Variants in GFPT2 observed in about 807,000 individuals in gnomAD.
The protein encoded by GFPT2 is glutamine--fructose-6-phosphate transaminase 2.
A neutral mutation model predicts 85.6 loss-of-function variants in GFPT2; 62 were observed. The observed-to-expected ratio is 0.72, with a 90% CI of 0.59 to 0.90. The LOEUF is 0.90. GFPT2 is among the 40% of genes least tolerant of loss of function. The pLI, the probability that GFPT2 is intolerant of heterozygous loss-of-function variation, is 0.00. For synonymous variants in GFPT2, 368 were observed against 344.5 expected (o/e 1.07, Z -0.75); for missense variants, 788 against 893.4 (o/e 0.88, Z 1.50).
intron 9 of GFPT2, among the ~76,000 whole-genome samples, chr5:180,319,848 G>A (rs1764085169): frequency 6.6e-6 from 1 of 152,106 alleles, no homozygotes; most frequent in African/African-American, 2.4e-5. Context: ...AATGACACCA[G>A]GGGTTGCACT....
At chr5:180,331,067 A>C in intron 5 of GFPT2, 1 of 548,106 alleles carries the variant, frequency 1.8e-6, no homozygotes, top group Non-Finnish European at 3.2e-6. Context: ...TAATCTGGAC[A>C]TTGCAAAATA....
Position 180,315,582 on chromosome 5 carries a change from G to A in GFPT2, c.1273+759C>T, listed in dbSNP as rs1025903232. Among the ~76,000 whole-genome samples, 7 of 152,324 alleles carry A rather than the reference G, an allele frequency of 4.6e-5. No individual in the cohort carries two copies. The South Asian group carries it at 8.3e-4, about 18-fold the overall frequency. ...GGCTTCAAAGTAACCCCATGGAGACGAGGGGTTAATATGAGTGTGTCCGAC... is the reference window on the plus strand; with the variant it reads ...GGCTTCAAAGTAACCCCATGGAGACAAGGGGTTAATATGAGTGTGTCCGAC... On this transcript the variant is annotated intron_variant, in intron 13 of 18. Transcript: ENST00000253778.
At position 180,324,812 on chromosome 5, in the gene GFPT2, T is replaced by C. The variant is rs766114036; in HGVS notation, c.676+4A>G. The C allele has an allele frequency of 1.8e-4, 279 of 1,578,766 alleles. No individual in the cohort carries two copies. The highest frequency in any genetic ancestry group is 2.4e-4 in the Non-Finnish European group (272 of 1,147,920). On this transcript the variant is annotated splice_donor_region_variant and intron_variant, in intron 8 of 18. Coordinates refer to ENST00000253778, the MANE Select transcript of GFPT2 (RefSeq NM_005110.4). ...GCTGTTCCGGTACTTCTTGAGAAAC[T>C]TACACGTCCTGTATAAGATAGGGAT...
In GFPT2 at chr5:180,313,844, A is replaced by C; in HGVS notation, c.1394T>G (p.Ile465Ser). Residue 465 changes from isoleucine to serine, a missense_variant, in exon 14 of 19, where the codon ATC (isoleucine) becomes AGC (serine). Ile to Ser is a moderately radical substitution (Grantham distance 142). Transcript: ENST00000253778. ...ISRETDCGVH[I>S]NAGPEIGVAS... ...CACGCCGATCTCCGGCCCTGCGTTG[A>C]TGTGGACGCCGCAGTCGGTCTCGCG... 1 of 1,592,660 alleles carries C rather than the reference A, an allele frequency of 6.3e-7. No individual in the cohort carries two copies. Among genetic ancestry groups the C allele is most frequent in the Non-Finnish European group, 8.5e-7 (1 of 1,172,902 alleles).
At chr5:180,310,099 C>T (rs1763851303) in intron 15 of GFPT2, among the ~76,000 whole-genome samples, 2 of 151,018 alleles carry the variant, frequency 1.3e-5, no homozygotes, top group Non-Finnish European at 2.9e-5. Context: ...CATGAGCCAC[C>T]GTGCCCAGCC....
At chr5:180,325,751 GCA>G (rs1221649607) in intron 7 of GFPT2, among the ~76,000 whole-genome samples, 16 of 152,202 alleles carry the variant, frequency 1.1e-4, no homozygotes, top group African/African-American at 3.6e-4. Flanking sequence ...TTGGCTGGGC[GCA>G]CAGTGGCTCA....
chr5:180,337,281 C>T (rs1031734620), intron 2 of GFPT2, among the ~76,000 whole-genome samples: 3 of 152,014 alleles, frequency 2.0e-5, no homozygotes, highest in African/African-American at 7.3e-5. Flanking sequence ...GGTGAAACCC[C>T]GTCTCTACTA....
At chr5:180,316,709 C>T (rs923837926) in intron 12 of GFPT2, 55 bp downstream of exon 12, 8 of 1,245,948 alleles carry the variant, frequency 6.4e-6, no homozygotes, top group Non-Finnish European at 9.3e-6. Flanking sequence ...AACTGAAGGC[C>T]AGTGTCTGGT....
At chr5:180,347,996 T>C (rs1278248722) in intron 1 of GFPT2, among the ~76,000 whole-genome samples, 1 of 151,956 alleles carries the variant, frequency 6.6e-6, no homozygotes, top group Non-Finnish European at 1.5e-5. Context: ...AGGGGACCGT[T>C]CCAGGGAGAG....
chr5:180,336,084 T>C, intron 3 of GFPT2, 131 bp from the exon 4 acceptor site: 1 of 831,708 alleles, frequency 1.2e-6, no homozygotes, highest in Non-Finnish European at 1.9e-6. Context: ...GCTCCCACCC[T>C]GGGAGTCCGC....
intron 14 of GFPT2, 34 bp from the exon 15 acceptor site, chr5:180,312,578 T>C: frequency 9.0e-7 from 1 of 1,107,566 alleles, no homozygotes; most frequent in Non-Finnish European, 1.4e-6. Flanking sequence ...AGGGACCTTA[T>C]TTTCACTTTT....
chr5:180,306,388 G>C (rs1763777952), intron 16 of GFPT2, among the ~76,000 whole-genome samples: 1 of 152,228 alleles, frequency 6.6e-6, no homozygotes, highest in Non-Finnish European at 1.5e-5. Context: ...TGCAGCCTCA[G>C]CTGGAGCACT....
chr5:180,338,795 C>T (rs1288148669), intron 1 of GFPT2, among the ~76,000 whole-genome samples, 195 bp from the exon 2 acceptor site: 1 of 152,212 alleles, frequency 6.6e-6, no homozygotes, highest in East Asian at 1.9e-4. Context: ...CCCCAGAAAG[C>T]CTGTGTCACA....
chr5:180,321,189 T>C (rs1764113826), intron 9 of GFPT2, among the ~76,000 whole-genome samples: 1 of 152,178 alleles, frequency 6.6e-6, no homozygotes, highest in African/African-American at 2.4e-5. Flanking sequence ...ATATATTTTT[T>C]TGTATAAAAA....
chr5:180,330,984 T>C lies in GFPT2; in HGVS notation c.400-150A>G. ...AAGGGGGGAAAAATGTTTGCCAGCA[T>C]CACAGCCAAATACCTCTGAGTCACT... On this transcript the variant is annotated intron_variant, in intron 5 of 18. Transcript: ENST00000253778. The surrounding 1 kb of genome is among the most constrained non-coding windows in gnomAD (Gnocchi z 4.4). 1 of 678,842 alleles carries C rather than the reference T, an allele frequency of 1.5e-6. No homozygotes were observed. Among genetic ancestry groups the C allele is most frequent in the Non-Finnish European group, 2.5e-6 (1 of 405,758 alleles). 42.1% of individuals were successfully genotyped at this position (678,842 alleles called of 1,614,324 possible). A position where few individuals can be genotyped will look rare whatever the true frequency, so the allele number is the denominator to read the frequency against.
In GFPT2 at chr5:180,353,274, G is replaced by GGGGCTCCTCCGTGGGCTCCTCCGT; in HGVS notation, c.-81_-58dup. 1 of 1,231,716 alleles carries GGGGCTCCTCCGTGGGCTCCTCCGT rather than the reference G, an allele frequency of 8.1e-7. No homozygotes were observed. The highest frequency in any genetic ancestry group is 3.2e-5 in the East Asian group (1 of 31,414). 76.3% of individuals were successfully genotyped at this position (1,231,716 alleles called of 1,614,324 possible). The stretch of plus-strand genomic sequence containing the variant: ...GAGGGGGTCTGCCCGTTCGGACGCT[G>GGGGCTCCTCCGTGGGCTCCTCCGT]GGGCTCCTCCGTGGGCTCCTCCGTG... On this transcript the variant is annotated 5_prime_UTR_variant, in exon 1 of 19. Transcript: ENST00000253778.
intron 2 of GFPT2, among the ~76,000 whole-genome samples, chr5:180,337,619 G>C (rs775043751): frequency 8.5e-5 from 13 of 152,124 alleles, no homozygotes; most frequent in Non-Finnish European, 1.8e-4. Context: ...AGCGACCGGA[G>C]AAGGGTCCCA....
chr5:180,309,816 CTT>C (rs34016478), intron 15 of GFPT2, among the ~76,000 whole-genome samples: 2 of 145,658 alleles, frequency 1.4e-5, no homozygotes, highest in Non-Finnish European at 1.5e-5. Context: ...AAGGCCATTC[CTT>C]TTTTTTTTTT....
chr5:180,303,823 A>C (rs1373600130), intron 17 of GFPT2, among the ~76,000 whole-genome samples: 1 of 152,124 alleles, frequency 6.6e-6, no homozygotes, highest in Admixed American at 6.5e-5. Flanking sequence ...TATTTATGGG[A>C]GGTCCCTTGG....
Sources: allele counts gnomAD v4.1 joint callset (sites outside exome capture counted in the v4.1 genomes callset), GRCh38; gene constraint gnomAD v4.1.1; non-coding constraint Gnocchi (gnomAD v3.1); transcripts MANE v1.5; gene names NCBI Gene and HGNC (gene_info 2026-07-23, HGNC 2026-07-21).